The following XXYLT1 variants were observed in gnomAD, a reference collection of about 807,000 sequenced individuals.
XXYLT1 encodes the protein UDP-xylose:alpha-xyloside alpha-1,3-xylosyltransferase.
In XXYLT1, 20 loss-of-function variants were observed where a neutral mutation model predicts 28.9. The observed-to-expected ratio is 0.69, with a 90% CI of 0.49 to 1.00. The LOEUF (loss-of-function observed/expected upper bound fraction) is 1.00. Ranked by LOEUF, XXYLT1 falls within the 50% of genes least tolerant of loss-of-function variation. The pLI is 0.00. For missense variants in XXYLT1, 542 were observed against 560.1 expected (o/e 0.97, Z 0.33); for synonymous variants, 257 against 253.8 (o/e 1.01, Z -0.12).
In XXYLT1 at chr3:195,257,792, G is replaced by C. The variant is rs1725535396; in HGVS notation, c.504+12763C>G. 6.6e-6 allele frequency among the ~76,000 whole-genome samples: 1 copy of C among 152,070 alleles called. No individual in the cohort carries two copies. Among genetic ancestry groups the C allele is most frequent in the Non-Finnish European group, 1.5e-5 (1 of 68,002 alleles). On this transcript the variant is annotated intron_variant, in intron 1 of 3. Coordinates refer to ENST00000310380, the MANE Select transcript of XXYLT1 (RefSeq NM_152531.5). The surrounding 1 kb of genome is among the most constrained non-coding windows in gnomAD (Gnocchi z 4.3). ...CATGACTCTCCTGCCAGGGACAGAA[G>C]ACAGAGCCAGTCTGTGGCTCCAGCT...
intron 3 of XXYLT1, chr3:195,154,050 G>A (rs954401960): frequency 1.3e-5 from 2 of 152,230 alleles, no homozygotes; most frequent in African/African-American, 4.8e-5. Context: ...AGTATCTAGG[G>A]CTTGGGACTC....
chr3:195,143,873 T>TATAG (rs1362989290), intron 3 of XXYLT1, among the ~76,000 whole-genome samples: 1 of 115,870 alleles, frequency 8.6e-6, no homozygotes, highest in African/African-American at 4.0e-5. Context: ...TAGATATAGA[T>TATAG]ATATATATAT....
At chr3:195,193,568 A>C (rs1431323862) in intron 2 of XXYLT1, among the ~76,000 whole-genome samples, 1 of 152,158 alleles carries the variant, frequency 6.6e-6, no homozygotes, top group Non-Finnish European at 1.5e-5. Flanking sequence ...AAATGCAAAA[A>C]CTTAAAAAAG....
chr3:195,163,424 T>C (rs889675074), intron 2 of XXYLT1, among the ~76,000 whole-genome samples: 2 of 151,972 alleles, frequency 1.3e-5, no homozygotes, highest in Middle Eastern at 3.2e-3. Context: ...CACTGTCCCC[T>C]GACACCTGCT....
At chr3:195,212,604 G>C (rs1444240881) in intron 2 of XXYLT1, among the ~76,000 whole-genome samples, 2 of 152,200 alleles carry the variant, frequency 1.3e-5, no homozygotes, top group Non-Finnish European at 2.9e-5. Context: ...TGTCAGATCA[G>C]CAGCATCAGA....
chr3:195,073,339 T>C (rs899398112), intron 3 of XXYLT1, among the ~76,000 whole-genome samples: 2 of 152,202 alleles, frequency 1.3e-5, no homozygotes, highest in African/African-American at 4.8e-5. Flanking sequence ...ACCCCTGCCC[T>C]TCTTCACAGG....
At chr3:195,259,550 T>G in intron 1 of XXYLT1, 1 of 985,244 alleles carries the variant, frequency 1.0e-6, no homozygotes, top group Non-Finnish European at 1.2e-6. Context: ...GGGCTCCTCC[T>G]CCCAGGGAGA....
chr3:195,117,743 CAGCTCTTGTGG>C, intron 3 of XXYLT1, among the ~76,000 whole-genome samples: 1 of 152,294 alleles, frequency 6.6e-6, no homozygotes, highest in Middle Eastern at 3.4e-3. Context: ...GCCCGGAGCT[CAGCTCTTGTGG>C]GTAGCTGTCA....
chr3:195,203,153 G>C (rs1000935954), intron 2 of XXYLT1, among the ~76,000 whole-genome samples: 2 of 151,042 alleles, frequency 1.3e-5, no homozygotes, highest in South Asian at 2.1e-4. Context: ...AAAGTTAAAA[G>C]ACTGCAAAAA....
chr3:195,151,871 T>G (rs1577084363), intron 3 of XXYLT1, among the ~76,000 whole-genome samples: 16 of 112,494 alleles, frequency 1.4e-4, no homozygotes, highest in Non-Finnish European at 1.6e-4. Flanking sequence ...AAAAGAGGAG[T>G]GAAGATTAAG....
intron 2 of XXYLT1, among the ~76,000 whole-genome samples, chr3:195,201,653 C>T (rs956459806): frequency 6.6e-6 from 1 of 152,204 alleles, no homozygotes; most frequent in South Asian, 2.1e-4. Context: ...CCAGATAAAA[C>T]ACCCATGCTG....
In XXYLT1 at chr3:195,270,964, G is replaced by A. The variant is rs1376475316; in HGVS notation, c.95C>T (p.Ala32Val). Residue 32 changes from alanine to valine, a missense_variant, in exon 1 of 4, where the codon GCG becomes GTG. Physicochemically the swap from Ala to Val is moderately conservative, Grantham distance 64. Transcript: ENST00000310380. ...GTAGTAGAAGGCGCAGACGGCCAGC[G>A]CCGCGGCCAGCAGCAGGGCGCAGTA... ...SHYCALLLAA[A>V]LAVCAFYYLG... is the part of the protein sequence containing the mutation. 2.7e-6 allele frequency: 4 copies of A among 1,488,036 alleles called. No individual in the cohort carries two copies. The highest frequency in any genetic ancestry group is 3.6e-6 in the Non-Finnish European group (4 of 1,122,124). 92.2% of individuals were successfully genotyped at this position (1,488,036 alleles called of 1,614,324 possible). A position where few individuals can be genotyped will look rare whatever the true frequency, so the allele number is the denominator to read the frequency against.
Position 195,072,477 on chromosome 3 carries a change from G to A in XXYLT1, c.786-2366C>T, listed in dbSNP as rs148394197. 1.1e-3 allele frequency among the ~76,000 whole-genome samples: 173 copies of A among 152,280 alleles called. 2 individuals carry two copies. Among genetic ancestry groups the A allele is most frequent in the African/African-American group, 4.0e-3 (165 of 41,536 alleles). On this transcript the variant is annotated intron_variant, in intron 3 of 3. Coordinates refer to ENST00000310380, the MANE Select transcript of XXYLT1 (RefSeq NM_152531.5). ...CTAGCACTGAGCTCGCTGGGCTCAG[G>A]AGATGGGGGCCGCAGGCAGAGAGAA...
rs1382205627 is a variant in XXYLT1 at position 195,195,521 on chromosome 3, G to A, written c.652+31188C>T. Among the ~76,000 whole-genome samples the A allele has an allele frequency of 6.6e-6, 1 of 152,154 alleles. No individual in the cohort carries two copies. Among genetic ancestry groups the A allele is most frequent in the Non-Finnish European group, 1.5e-5 (1 of 68,036 alleles). On this transcript the variant is annotated intron_variant, in intron 2 of 3. Coordinates refer to ENST00000310380, the MANE Select transcript of XXYLT1 (RefSeq NM_152531.5). This position sits in a 1 kb window ranked among gnomAD's most constrained non-coding sequence, Gnocchi z 4.4. ...TCTTTCAGCTTTAAAAAAATAAAAG[G>A]ACTCTCTTTTCTGTGTGTTCCTTTG...
At chr3:195,242,613 A>C (rs1440683975) in intron 1 of XXYLT1, among the ~76,000 whole-genome samples, 2 of 152,208 alleles carry the variant, frequency 1.3e-5, no homozygotes, top group Non-Finnish European at 2.9e-5. Context: ...AACAAAGTGC[A>C]GTGGAAAAGC....
At chr3:195,104,019 A>G (rs949684256) in intron 3 of XXYLT1, among the ~76,000 whole-genome samples, 8 of 152,334 alleles carry the variant, frequency 5.3e-5, no homozygotes, top group South Asian at 4.1e-4. Flanking sequence ...TCCTATAACA[A>G]CTATTTCCAA....
chr3:195,228,016 T>C (rs1369330135), intron 1 of XXYLT1, among the ~76,000 whole-genome samples: 1 of 152,180 alleles, frequency 6.6e-6, no homozygotes, highest in Non-Finnish European at 1.5e-5. Flanking sequence ...AGGATCTAGA[T>C]CCTTCTACGA....
chr3:195,256,566 A>G lies in XXYLT1; in HGVS notation c.504+13989T>C. 1 of 985,296 alleles carries G rather than the reference A, an allele frequency of 1.0e-6. No individual in the cohort carries two copies. Among genetic ancestry groups the G allele is most frequent in the Non-Finnish European group, 1.2e-6 (1 of 829,900 alleles). The allele number at this position is 985,296 out of a possible 1,614,324, so 61.0% of individuals were successfully genotyped here. A position where few individuals can be genotyped will look rare whatever the true frequency, so the allele number is the denominator to read the frequency against. On this transcript the variant is annotated intron_variant, in intron 1 of 3. Transcript: ENST00000310380. The surrounding 1 kb of genome is among the most constrained non-coding windows in gnomAD (Gnocchi z 4.2). ...AAGAGCAGCCTCCTCACACCCCGCA[A>G]CTTCTCACCCGCACATTCAGGATGG...
At chr3:195,120,957 C>T (rs1718325752) in intron 3 of XXYLT1, among the ~76,000 whole-genome samples, 1 of 152,214 alleles carries the variant, frequency 6.6e-6, no homozygotes, top group African/African-American at 2.4e-5. Flanking sequence ...GTTCCCCTAC[C>T]TCCCTGGGGC....
Sources: allele counts gnomAD v4.1 joint callset (sites outside exome capture counted in the v4.1 genomes callset), GRCh38; gene constraint gnomAD v4.1.1; non-coding constraint Gnocchi (gnomAD v3.1); transcripts MANE v1.5; gene names NCBI Gene and HGNC (gene_info 2026-07-23, HGNC 2026-07-21).